The following NCAPD3 variants were observed in gnomAD, a reference collection of about 807,000 sequenced individuals.
The protein encoded by NCAPD3 is non-SMC condensin II complex subunit D3, also known as condensin-2 complex subunit D3.
NCAPD3 carries 105 observed loss-of-function variants against 182.9 expected under a neutral mutation model. The observed-to-expected ratio is 0.57, with a 90% CI of 0.49 to 0.68. The LOEUF is 0.68. NCAPD3 is among the 30% of genes least tolerant of loss of function. The pLI is 0.00. For missense variants in NCAPD3, 1,944 were observed against 1,837.0 expected (o/e 1.06, Z -1.07); for synonymous variants, 815 against 679.9 (o/e 1.20, Z -3.09).
At chr11:134,167,065 CT>C (rs1943847236) in intron 27 of NCAPD3, among the ~76,000 whole-genome samples, 1 of 95,050 alleles carries the variant, frequency 1.1e-5, no homozygotes, top group Non-Finnish European at 1.9e-5. Context: ...GTGAGATGAG[CT>C]TGGGGGAGCT....
chr11:134,177,282 A>G lies in NCAPD3; in HGVS notation c.2958T>C (p.Cys986=), dbSNP rs998095780. Residue 986 remains cysteine, a synonymous_variant, in exon 23 of 35, where the codon TGT becomes TGC. Coordinates refer to ENST00000534548, the MANE Select transcript of NCAPD3 (RefSeq NM_015261.3). ...GGATGAATGGGTCGGAATCCTTCAGACACATGGAGATGTTGGGAATATACT... is the reference window on the plus strand; with the variant it reads ...GGATGAATGGGTCGGAATCCTTCAGGCACATGGAGATGTTGGGAATATACT... The part of the protein sequence containing the change: ...VDKYIPNISM[C]LKDSDPFIRK... The G allele has an allele frequency of 1.2e-6, 2 of 1,614,228 alleles. No homozygotes were observed. Among genetic ancestry groups the G allele is most frequent in the Non-Finnish European group, 1.7e-6 (2 of 1,180,038 alleles).
rs1278387958 is a variant in NCAPD3, at chr11:134,152,664, G to C, written c.*280C>G. On this transcript the variant is annotated 3_prime_UTR_variant, in exon 35 of 35. Transcript: ENST00000534548. ...TTAAAGACCAGATTATAGCTTATCTGAATGGGCTTGACACTTTCAAATGGA... is the reference window on the plus strand; with the variant it reads ...TTAAAGACCAGATTATAGCTTATCTCAATGGGCTTGACACTTTCAAATGGA... 9.7e-6 allele frequency: 3 copies of C among 310,272 alleles called. No homozygotes were observed. Among genetic ancestry groups the C allele is most frequent in the Non-Finnish European group, 5.9e-6 (1 of 170,614 alleles). The allele number at this position is 310,272 out of a possible 1,614,324, so 19.2% of individuals were successfully genotyped here.
At chr11:134,157,902 T>C (rs1394644498) in intron 31 of NCAPD3, 26 bp downstream of exon 31, 3 of 1,600,754 alleles carry the variant, frequency 1.9e-6, no homozygotes, top group African/African-American at 1.3e-5. Flanking sequence ...TGCTCTACTG[T>C]GTCTGGCACC....
chr11:134,163,339 C>T (rs943179062), intron 27 of NCAPD3, among the ~76,000 whole-genome samples: 1 of 152,124 alleles, frequency 6.6e-6, no homozygotes. Flanking sequence ...AGCTTCCTGC[C>T]ACCCCTCACA....
In NCAPD3 at chr11:134,157,143, C is replaced by T. The variant is rs201535131; in HGVS notation, c.4175-48G>A. ...ATCCAGAAATACCCCCAAACAATAACGAAGAGCAAAACAACCACATGAGAA... is the reference window on the plus strand; with the variant it reads ...ATCCAGAAATACCCCCAAACAATAATGAAGAGCAAAACAACCACATGAGAA... On this transcript the variant is annotated intron_variant, in intron 31 of 34. Coordinates refer to ENST00000534548, the MANE Select transcript of NCAPD3 (RefSeq NM_015261.3). 2.2e-5 allele frequency: 32 copies of T among 1,463,154 alleles called. No individual in the cohort carries two copies. In the East Asian group the frequency reaches 5.2e-4, roughly 24 times the overall value. The allele number at this position is 1,463,154 out of a possible 1,614,324, so 90.6% of individuals were successfully genotyped here. A position where few individuals can be genotyped will look rare whatever the true frequency, so the allele number is the denominator to read the frequency against.
At chr11:134,194,760 G>A (rs1410186853) in intron 13 of NCAPD3, 22 bp from the exon 14 acceptor site, 1 of 1,547,220 alleles carries the variant, frequency 6.5e-7, no homozygotes. Context: ...ATACCAAAGG[G>A]TCATCACAGC....
chr11:134,168,934 CTTG>C lies in NCAPD3; in HGVS notation c.3219_3221del (p.Asn1073del), dbSNP rs764155918. ...TCACTGACCTCTCTGACTGGGGGAA[CTTG>C]TTGTACTTCTCATGCTTCTCATAGT... On this transcript the variant is annotated inframe_deletion, in exon 25 of 35. Coordinates refer to ENST00000534548, the MANE Select transcript of NCAPD3 (RefSeq NM_015261.3). 2.4e-5 allele frequency: 39 copies of C among 1,613,452 alleles called. No individual in the cohort carries two copies. Among genetic ancestry groups the C allele is most frequent in the African/African-American group, 1.7e-4 (13 of 74,906 alleles).
intron 20 of NCAPD3, 84 bp downstream of exon 20, chr11:134,180,993 A>G (rs1181796357): frequency 1.0e-5 from 10 of 960,982 alleles, no homozygotes; most frequent in Non-Finnish European, 1.5e-5. Flanking sequence ...AAGCATTTAA[A>G]GCGTACATGA....
chr11:134,223,889 G>T lies in NCAPD3; in HGVS notation c.38C>A (p.Pro13His), dbSNP rs1407270096. Residue 13 changes from proline (P) to histidine (H), a missense_variant, in exon 1 of 35, where the codon CCC becomes CAC. By Grantham distance (77) the Pro-to-His change is moderately conservative (BLOSUM62 -2). Around this residue, in one of 3 missense-constraint regions of NCAPD3, gnomAD observed 131 missense variants for 133.9 expected, o/e 0.98. Coordinates refer to ENST00000534548, the MANE Select transcript of NCAPD3 (RefSeq NM_015261.3). ...GAGTCTAAGATCCAGCGGACACCAG[G>T]GCTGCAGGCCGCTACCAAGGCCCCG... ...ALRGLGSGLQ[P>H]WCPLDLRLEW... The T allele has an allele frequency of 1.2e-6, 2 of 1,612,740 alleles. No individual in the cohort carries two copies. The highest frequency in any genetic ancestry group is 1.1e-5 in the South Asian group (1 of 91,024).
chr11:134,156,274 C>T (rs931965624), intron 32 of NCAPD3, among the ~76,000 whole-genome samples: 3 of 152,068 alleles, frequency 2.0e-5, no homozygotes, highest in Admixed American at 6.6e-5. Flanking sequence ...CAGGGACGAG[C>T]GGGGCTGGAT....
At chr11:134,225,418 C>A, upstream of NCAPD3, 1 of 1,474,730 alleles carries the variant, frequency 6.8e-7, no homozygotes, top group Non-Finnish European at 9.4e-7. Context: ...CAGGGCCCAG[C>A]TCCTCCGGCG....
In NCAPD3 at chr11:134,220,330, T is replaced by C. The variant is rs190421247; in HGVS notation, c.219+242A>G. Among the ~76,000 whole-genome samples the C allele has an allele frequency of 4.4e-3, 663 of 152,062 alleles. 2 individuals are homozygous for C. Among genetic ancestry groups the C allele is most frequent in the African/African-American group, 0.015 (636 of 41,478 alleles). ...GACACCACACCCGGCCTTATACTTTTCCTTTAATTTGCTATTGTAAAAAAC... is the reference window on the plus strand; with the variant it reads ...GACACCACACCCGGCCTTATACTTTCCCTTTAATTTGCTATTGTAAAAAAC... On this transcript the variant is annotated intron_variant, in intron 2 of 34. Transcript: ENST00000534548.
At chr11:134,193,209 A>G (rs1385253381) in intron 15 of NCAPD3, among the ~76,000 whole-genome samples, 2 of 152,206 alleles carry the variant, frequency 1.3e-5, no homozygotes. Context: ...AGCAATTAGA[A>G]CAGATGCTGA....
chr11:134,203,316 T>C, intron 11 of NCAPD3, 118 bp from the exon 12 acceptor site: 2 of 804,958 alleles, frequency 2.5e-6, no homozygotes, highest in Non-Finnish European at 4.1e-6. Context: ...AGATTCTAAA[T>C]TGCTGACAAC....
intron 32 of NCAPD3, among the ~76,000 whole-genome samples, chr11:134,154,981 C>T (rs1250360268): frequency 1.3e-5 from 2 of 152,176 alleles, no homozygotes; most frequent in Non-Finnish European, 2.9e-5. Context: ...ACACACACTG[C>T]TCTTCCTGTT....
intron 3 of NCAPD3, among the ~76,000 whole-genome samples, chr11:134,215,249 C>A (rs1366762136): frequency 6.6e-6 from 1 of 152,178 alleles, no homozygotes; most frequent in Non-Finnish European, 1.5e-5. Context: ...TGGATGCTTT[C>A]CCCTTAAGAT....
intron 2 of NCAPD3, 131 bp from the exon 3 acceptor site, chr11:134,217,229 G>A: frequency 4.3e-6 from 3 of 702,726 alleles, no homozygotes; most frequent in South Asian, 7.8e-5. Context: ...ACTGCTAAAT[G>A]TTTACCATCT....
At chr11:134,169,145 G>A (rs1943945594) in intron 24 of NCAPD3, 91 bp from the exon 25 acceptor site, 3 of 1,335,572 alleles carry the variant, frequency 2.2e-6, no homozygotes, top group South Asian at 3.0e-5. Flanking sequence ...GCAGAGGAGA[G>A]CTGTACATAA....
chr11:134,219,475 T>C (rs527660853), intron 2 of NCAPD3, among the ~76,000 whole-genome samples: 16 of 152,152 alleles, frequency 1.1e-4, no homozygotes, highest in Non-Finnish European at 2.1e-4. Flanking sequence ...CCTAGGGAGA[T>C]TGTATCGTAA....
Sources: allele counts gnomAD v4.1 joint callset (sites outside exome capture counted in the v4.1 genomes callset), GRCh38; gene constraint gnomAD v4.1.1; regional missense constraint gnomAD v4.1.1; transcripts MANE v1.5; gene names NCBI Gene and HGNC (gene_info 2026-07-23, HGNC 2026-07-21).